CCSER1: variants seen among roughly 807,000 people sequenced by gnomAD.
CCSER1 encodes coiled-coil serine rich protein 1, also known as serine-rich coiled-coil domain-containing protein 1.
A neutral mutation model predicts 82.0 loss-of-function variants in CCSER1; 41 were observed. That is an observed-to-expected ratio of 0.50 (90% CI 0.39 to 0.65). The LOEUF is 0.65. Among genes scored for constraint, CCSER1 ranks in the 30% least tolerant of loss-of-function variants. CCSER1 has a pLI of 0.00. For missense variants in CCSER1, 1,119 were observed against 1,064.2 expected (o/e 1.05, Z -0.72); for synonymous variants, 414 against 383.9 (o/e 1.08, Z -0.92).
intron 9 of CCSER1, among the ~76,000 whole-genome samples, chr4:90,959,067 A>G (rs544808019): frequency 1.3e-5 from 2 of 152,336 alleles, no homozygotes; most frequent in Admixed American, 1.3e-4. Context: ...GATATTTATA[A>G]GGAACAGAGA....
chr4:90,261,983 CT>C (rs1254231848), intron 1 of CCSER1, among the ~76,000 whole-genome samples: 1 of 151,846 alleles, frequency 6.6e-6, no homozygotes, highest in Non-Finnish European at 1.5e-5. Flanking sequence ...TGTCTGGAAA[CT>C]TTTTCACTTA....
intron 3 of CCSER1, among the ~76,000 whole-genome samples, chr4:90,316,183 C>T (rs542951575): frequency 2.2e-4 from 33 of 152,114 alleles, no homozygotes; most frequent in East Asian, 3.9e-4. Context: ...TCAAATTTTG[C>T]GAAAGAGGAA....
intron 9 of CCSER1, among the ~76,000 whole-genome samples, chr4:91,050,533 C>T (rs917163678): frequency 1.4e-4 from 21 of 151,928 alleles, no homozygotes; most frequent in African/African-American, 4.4e-4. Flanking sequence ...AATGCCTTTC[C>T]GTGTCACAAA....
At chr4:91,030,407 T>C (rs1740874505) in intron 9 of CCSER1, among the ~76,000 whole-genome samples, 1 of 152,082 alleles carries the variant, frequency 6.6e-6, no homozygotes, top group African/African-American at 2.4e-5. Context: ...AGGGATTGCA[T>C]TTTGAGTCTT....
At chr4:90,820,580 G>A (rs773758164) in intron 8 of CCSER1, among the ~76,000 whole-genome samples, 10 of 152,050 alleles carry the variant, frequency 6.6e-5, no homozygotes, top group Non-Finnish European at 1.5e-4. Context: ...CTCTCCATAG[G>A]TGGCACTTCC....
rs141880811 is a variant in CCSER1 at position 90,794,271 on chromosome 4, T to C, written c.2011-21491T>C. On this transcript the variant is annotated intron_variant, in intron 7 of 10. Transcript: ENST00000509176. Reference sequence around the variant, plus strand: ...GTCCTGAATGGTATTGCCTAAGTTGTCTTCCATGGCTTTTATAGTTTTGAG... The same window carrying C: ...GTCCTGAATGGTATTGCCTAAGTTGCCTTCCATGGCTTTTATAGTTTTGAG... Among the ~76,000 whole-genome samples the C allele has an allele frequency of 3.9e-4, 59 of 152,358 alleles. 1 individual carries two copies. In the East Asian group the frequency reaches 9.8e-3, roughly 25 times the overall value.
intron 9 of CCSER1, among the ~76,000 whole-genome samples, chr4:91,023,112 C>T (rs1222056290): frequency 1.3e-5 from 2 of 152,028 alleles, no homozygotes; most frequent in South Asian, 2.1e-4. Context: ...ACGTGAAGGA[C>T]CTCTTCAAGG....
At position 91,186,464 on chromosome 4, in the gene CCSER1, G is replaced by A. The variant is rs147554718; in HGVS notation, c.2217+100470G>A. ...AGCTTAGTTTTCCATTCCAACCATCGCTCCGGCAATCCTTCGACCTGGATT... is the reference window on the plus strand; with the variant it reads ...AGCTTAGTTTTCCATTCCAACCATCACTCCGGCAATCCTTCGACCTGGATT... On this transcript the variant is annotated intron_variant, in intron 10 of 10. Transcript: ENST00000509176. Among the ~76,000 whole-genome samples the A allele has an allele frequency of 8.5e-3, 1,289 of 152,084 alleles. 6 individuals are homozygous for A. Among genetic ancestry groups the A allele is most frequent in the Non-Finnish European group, 0.011 (737 of 68,016 alleles).
At chr4:90,685,390 C>T (rs1308241038) in intron 6 of CCSER1, among the ~76,000 whole-genome samples, 1 of 152,070 alleles carries the variant, frequency 6.6e-6, no homozygotes, top group East Asian at 1.9e-4. Flanking sequence ...CCAATTCCTA[C>T]AAAATATACT....
chr4:90,640,191 A>G (rs1037257376), intron 6 of CCSER1, among the ~76,000 whole-genome samples: 1 of 152,138 alleles, frequency 6.6e-6, no homozygotes, highest in Non-Finnish European at 1.5e-5. Context: ...AAAACAACCT[A>G]TTCTAAGTGT....
intron 8 of CCSER1, among the ~76,000 whole-genome samples, chr4:90,868,525 C>T (rs770810590): frequency 1.5e-3 from 225 of 152,120 alleles, no homozygotes; most frequent in Non-Finnish European, 2.6e-3. Flanking sequence ...TTGCACATTA[C>T]AGGACCTCAT....
chr4:90,360,335 T>C (rs1745148710), intron 3 of CCSER1, among the ~76,000 whole-genome samples: 1 of 149,134 alleles, frequency 6.7e-6, no homozygotes, highest in Non-Finnish European at 1.5e-5. Flanking sequence ...GATACCATCC[T>C]GGCTAACACG....
intron 5 of CCSER1, among the ~76,000 whole-genome samples, chr4:90,485,143 C>T (rs773520849): frequency 1.2e-4 from 19 of 152,312 alleles, no homozygotes; most frequent in Middle Eastern, 3.4e-3. Flanking sequence ...TAGCAATGAG[C>T]GAGGCTCTGT....
At chr4:90,523,212 C>T (rs1773349028) in intron 5 of CCSER1, among the ~76,000 whole-genome samples, 1 of 152,000 alleles carries the variant, frequency 6.6e-6, no homozygotes, top group Admixed American at 6.6e-5. Context: ...ATTTGTTTTA[C>T]TAATTAAGAA....
chr4:90,196,656 T>TACACACACACACACAC (rs34346681), intron 1 of CCSER1, among the ~76,000 whole-genome samples: 11,651 of 143,684 alleles, frequency 0.081, 569 homozygotes, highest in East Asian at 0.23. Context: ...CCTGCTCAGA[T>TACACACACACACACAC]ACACACACAC....
chr4:90,183,754 T>C (rs1001889178), intron 1 of CCSER1, among the ~76,000 whole-genome samples: 2 of 152,148 alleles, frequency 1.3e-5, no homozygotes, highest in African/African-American at 4.8e-5. Flanking sequence ...ATTGTCACAA[T>C]CTGGCAGTGT....
At chr4:90,443,620 C>A (rs1027383786) in intron 4 of CCSER1, among the ~76,000 whole-genome samples, 8 of 152,002 alleles carry the variant, frequency 5.3e-5, no homozygotes, top group African/African-American at 1.9e-4. Context: ...AAGAGTAGAA[C>A]ATGTGGGATT....
intron 10 of CCSER1, among the ~76,000 whole-genome samples, chr4:91,116,367 A>G (rs1437369029): frequency 6.6e-6 from 1 of 152,174 alleles, no homozygotes; most frequent in Non-Finnish European, 1.5e-5. Flanking sequence ...GCAAGCTCTG[A>G]TTTAGTAAAA....
At position 91,150,536 on chromosome 4, in the gene CCSER1, G is replaced by C. The variant is rs546098107; in HGVS notation, c.2217+64542G>C. Among the ~76,000 whole-genome samples, 445 of 152,292 alleles carry C rather than the reference G, an allele frequency of 2.9e-3. 1 individual carries two copies. The highest frequency in any genetic ancestry group is 0.01 in the African/African-American group (419 of 41,566). On this transcript the variant is annotated intron_variant, in intron 10 of 10. Transcript: ENST00000509176. ...ACTATGTTGAATAGGAGTGGTGAGA[G>C]AGGGCATCCCTGTCTTGTGTGCCAG...
Sources: gnomAD v4.1 joint callset for allele counts (sites outside exome capture counted in the v4.1 genomes callset) on GRCh38, gnomAD v4.1.1 for gene constraint, MANE v1.5 for transcripts, NCBI Gene and HGNC (gene_info 2026-07-23, HGNC 2026-07-21) for gene names.